Variants in MLF1 observed in about 807,000 individuals in gnomAD.
MLF1 encodes myeloid leukemia factor 1.
In MLF1, 37 loss-of-function variants were observed where a neutral mutation model predicts 38.3. The observed-to-expected ratio is 0.96, with a 90% confidence interval of 0.74 to 1.27. The LOEUF is 1.27. MLF1 is among the 50% of genes most tolerant of loss of function. MLF1 has a pLI of 0.00. For synonymous variants in MLF1, 95 were observed against 106.5 expected (o/e 0.89, Z 0.66); for missense variants, 331 against 349.2 (o/e 0.95, Z 0.42).
At chr3:158,575,736 T>A (rs2108551750) in intron 1 of MLF1, among the ~76,000 whole-genome samples, 1 of 152,296 alleles carries the variant, frequency 6.6e-6, no homozygotes, top group Admixed American at 6.5e-5. Context: ...TTCTCTTTCT[T>A]GTAGTCAATC....
chr3:158,574,963 CTG>C (rs1288846772), intron 1 of MLF1, among the ~76,000 whole-genome samples: 1 of 152,068 alleles, frequency 6.6e-6, no homozygotes, highest in Non-Finnish European at 1.5e-5. Flanking sequence ...CCATCCTTAA[CTG>C]TGAATGTGTA....
chr3:158,599,686 A>G (rs1352346995), intron 5 of MLF1, among the ~76,000 whole-genome samples: 1 of 152,250 alleles, frequency 6.6e-6, no homozygotes, highest in Admixed American at 6.5e-5. Context: ...ATTTGTAGGA[A>G]TCCCACCATA....
chr3:158,587,253 C>A (rs1161089323), intron 1 of MLF1, among the ~76,000 whole-genome samples: 1 of 152,156 alleles, frequency 6.6e-6, no homozygotes. Flanking sequence ...GGGAAGAGAA[C>A]AGATAATGGA....
chr3:158,598,071 T>C lies in MLF1; in HGVS notation c.325-9T>C. 1.2e-6 allele frequency: 2 copies of C among 1,610,262 alleles called. No homozygotes were observed. Among genetic ancestry groups the C allele is most frequent in the African/African-American group, 2.7e-5 (2 of 74,802 alleles). On this transcript the variant is annotated splice_polypyrimidine_tract_variant and intron_variant, in intron 4 of 7. Transcript: ENST00000466246. ...GACTCGACTGAATTTACAATTTGTT[T>C]ACCTGTAGGGTCAACTTTCAGTGGA...
intron 6 of MLF1, among the ~76,000 whole-genome samples, chr3:158,602,108 A>G (rs1719880284): frequency 1.3e-5 from 2 of 151,866 alleles, no homozygotes; most frequent in East Asian, 3.9e-4. Context: ...GAGCCACCAC[A>G]CCTGGCTGGG....
chr3:158,605,654 A>T lies in MLF1; in HGVS notation c.*452A>T, dbSNP rs1720417144. 5.4e-6 allele frequency: 1 copy of T among 185,224 alleles called. No homozygotes were observed. The highest frequency in any genetic ancestry group is 6.2e-5 in the Admixed American group (1 of 16,098). The allele number at this position is 185,224 out of a possible 1,614,324, so 11.5% of individuals were successfully genotyped here. ...GTTTAAATAATTTATCTCTAATTTT[A>T]TAATGTGTTGTAAAGCCAACTAGCT... is the stretch of plus-strand genomic sequence containing the variant. On this transcript the variant is annotated 3_prime_UTR_variant, in exon 8 of 8. Transcript: ENST00000466246.
chr3:158,582,760 G>T (rs928815824), intron 1 of MLF1: 1 of 565,100 alleles, frequency 1.8e-6, no homozygotes, highest in Non-Finnish European at 3.1e-6. Flanking sequence ...TCCTTTAAAA[G>T]TCAAGAAGAA....
chr3:158,592,867 A>G (rs1051724441), intron 2 of MLF1, among the ~76,000 whole-genome samples: 4 of 152,130 alleles, frequency 2.6e-5, no homozygotes, highest in African/African-American at 9.7e-5. Flanking sequence ...TTCTCACCTT[A>G]TAACTTCCTC....
chr3:158,598,705 G>C (rs1370873795), intron 5 of MLF1, among the ~76,000 whole-genome samples: 30 of 151,996 alleles, frequency 2.0e-4, no homozygotes, highest in Non-Finnish European at 8.8e-5. Flanking sequence ...CTCTTGCTTT[G>C]TTTTCTTTTT....
At chr3:158,592,346 C>T in intron 1 of MLF1, 88 bp from the exon 2 acceptor site, 29 of 1,140,616 alleles carry the variant, frequency 2.5e-5, no homozygotes, top group South Asian at 1.7e-4. Context: ...ACATATTAGC[C>T]CAAAATAATT....
At chr3:158,599,203 A>G (rs1414834170) in intron 5 of MLF1, among the ~76,000 whole-genome samples, 2 of 152,146 alleles carry the variant, frequency 1.3e-5, no homozygotes, top group African/African-American at 4.8e-5. Flanking sequence ...ATTCATCTTT[A>G]TACATGGCTC....
intron 6 of MLF1, among the ~76,000 whole-genome samples, chr3:158,601,140 A>G (rs1235071626): frequency 6.6e-6 from 1 of 152,132 alleles, no homozygotes; most frequent in Non-Finnish European, 1.5e-5. Flanking sequence ...TGTTGTATTA[A>G]AAAAGAAATT....
chr3:158,585,506 A>G (rs1056677821), intron 1 of MLF1, among the ~76,000 whole-genome samples: 3 of 152,226 alleles, frequency 2.0e-5, no homozygotes, highest in Non-Finnish European at 2.9e-5. Flanking sequence ...CTATAGCAAC[A>G]CAAAAATTGA....
At chr3:158,601,878 G>A (rs1291869546) in intron 6 of MLF1, among the ~76,000 whole-genome samples, 2 of 145,198 alleles carry the variant, frequency 1.4e-5, no homozygotes, top group Non-Finnish European at 3.0e-5. Context: ...GTGCAGTGGT[G>A]TGATCTCGGC....
intron 1 of MLF1, chr3:158,582,924 G>A: frequency 1.5e-6 from 1 of 682,436 alleles, no homozygotes; most frequent in South Asian, 1.6e-5. Flanking sequence ...CAGAGAATAA[G>A]TTAAGGTAAA....
At chr3:158,598,943 A>G (rs1168426262) in intron 5 of MLF1, among the ~76,000 whole-genome samples, 1 of 152,202 alleles carries the variant, frequency 6.6e-6, no homozygotes, top group Non-Finnish European at 1.5e-5. Context: ...GTCCTCTGCA[A>G]CTTGTCTTTG....
intron 1 of MLF1, among the ~76,000 whole-genome samples, chr3:158,582,251 C>G (rs1716500513): frequency 6.6e-6 from 1 of 151,692 alleles, no homozygotes; most frequent in South Asian, 2.1e-4. Flanking sequence ...AGGAGAGAAT[C>G]TCTGAGCTTG....
At chr3:158,580,502 A>G (rs926007350) in intron 1 of MLF1, among the ~76,000 whole-genome samples, 4 of 152,184 alleles carry the variant, frequency 2.6e-5, no homozygotes, top group Admixed American at 6.5e-5. Context: ...TTAAATTAAA[A>G]TTAATTTATA....
intron 1 of MLF1, chr3:158,588,923 A>G (rs1321286578): frequency 2.2e-6 from 1 of 456,296 alleles, no homozygotes; most frequent in African/African-American, 2.0e-5. Context: ...TCATCAGGAC[A>G]TGTAAGTCCC....
Sources: allele counts gnomAD v4.1 joint callset (sites outside exome capture counted in the v4.1 genomes callset), GRCh38; gene constraint gnomAD v4.1.1; transcripts MANE v1.5; gene names NCBI Gene and HGNC (gene_info 2026-07-23, HGNC 2026-07-21).